Variants in FGF14 observed in about 807,000 individuals in gnomAD.
The protein encoded by FGF14 is fibroblast growth factor 14, also known as fibroblast growth factor homologous factor 4.
Under a neutral mutation model 25.5 loss-of-function variants are expected in FGF14, and 5 were observed. The observed-to-expected ratio is 0.20, with a 90% confidence interval of 0.10 to 0.41. FGF14 has a LOEUF of 0.41. Ranked by LOEUF, FGF14 falls within the 10% of genes least tolerant of loss-of-function variation. FGF14 has a pLI of 1.00. For missense variants in FGF14, 222 were observed against 320.1 expected (o/e 0.69, Z 2.34); for synonymous variants, 138 against 118.3 (o/e 1.17, Z -1.08).
In FGF14 at chr13:102,124,268, G is replaced by A. The variant is rs527279513; in HGVS notation, c.209-248972C>T. 1.2e-4 allele frequency among the ~76,000 whole-genome samples: 19 copies of A among 152,168 alleles called. No homozygotes were observed. The South Asian group carries it at 2.9e-3, about 23-fold the overall frequency. On this transcript the variant is annotated intron_variant, in intron 1 of 4. Coordinates refer to the FGF14 transcript ENST00000376131. ...GAGGAAAAATTACTGTGGACTGTGCGGTGTGGATCTGGGACAAAAGGTAGT... is the reference window on the plus strand; with the variant it reads ...GAGGAAAAATTACTGTGGACTGTGCAGTGTGGATCTGGGACAAAAGGTAGT...
chr13:102,121,474 T>C (rs1397916670), intron 1 of FGF14, among the ~76,000 whole-genome samples: 1 of 152,158 alleles, frequency 6.6e-6, no homozygotes, highest in Non-Finnish European at 1.5e-5. Context: ...TTACTACTAA[T>C]AAGCATAGTA....
chr13:102,145,167 AGGAGG>A (rs1350389488), intron 1 of FGF14, among the ~76,000 whole-genome samples: 1 of 152,118 alleles, frequency 6.6e-6, no homozygotes, highest in Non-Finnish European at 1.5e-5. Flanking sequence ...CTCCATTTGG[AGGAGG>A]TTGAGCCCTC....
intron 4 of FGF14, 122 bp downstream of exon 4, chr13:101,726,490 A>C: frequency 1.1e-6 from 1 of 945,220 alleles, no homozygotes; most frequent in Non-Finnish European, 1.6e-6. Context: ...CATCACCTAG[A>C]TCAAAATAAA....
chr13:101,877,954 T>G (rs1311949802), intron 1 of FGF14, among the ~76,000 whole-genome samples: 1 of 152,216 alleles, frequency 6.6e-6, no homozygotes, highest in Non-Finnish European at 1.5e-5. Context: ...CTATTTTCAC[T>G]GCCAGCCCCT....
chr13:102,401,598 C>A, exon 1 of FGF14: 1 of 1,614,058 alleles, frequency 6.2e-7, no homozygotes, highest in Non-Finnish European at 8.5e-7. Flanking sequence ...GCTTAGACAC[C>A]CTGAGAAAGA....
intron 1 of FGF14, among the ~76,000 whole-genome samples, chr13:102,150,155 C>G (rs1816777517): frequency 3.3e-5 from 5 of 152,110 alleles, no homozygotes; most frequent in Admixed American, 3.3e-4. Context: ...TCCATGACTG[C>G]AGTCAAGTCC....
chr13:102,398,962 T>A (rs2139283058), intron 1 of FGF14, among the ~76,000 whole-genome samples: 1 of 151,278 alleles, frequency 6.6e-6, no homozygotes, highest in African/African-American at 2.4e-5. Flanking sequence ...TATCTAACAC[T>A]AAATTATCCT....
chr13:102,360,886 TACAC>T (rs763764430), intron 1 of FGF14, among the ~76,000 whole-genome samples: 2 of 151,506 alleles, frequency 1.3e-5, no homozygotes, highest in Non-Finnish European at 1.5e-5. Context: ...CACACACACA[TACAC>T]ACACACACGA....
intron 3 of FGF14, among the ~76,000 whole-genome samples, chr13:101,840,041 T>C (rs916146453): frequency 2.6e-5 from 4 of 151,994 alleles, no homozygotes; most frequent in East Asian, 1.9e-4. Flanking sequence ...GAAGATATTA[T>C]TGAAGGAAAA....
intron 1 of FGF14, among the ~76,000 whole-genome samples, chr13:102,150,424 T>A (rs2047033739): frequency 6.6e-6 from 1 of 152,174 alleles, no homozygotes; most frequent in Non-Finnish European, 1.5e-5. Context: ...ATTGTTACAT[T>A]ATTTCTCTAA....
chr13:102,144,623 GCTTATTTATGTA>G (rs2046779321), intron 1 of FGF14, among the ~76,000 whole-genome samples: 1 of 152,032 alleles, frequency 6.6e-6, no homozygotes, highest in African/African-American at 2.4e-5. Flanking sequence ...CATTCTCCTA[GCTTATTTATGTA>G]GTACATCTGA....
intron 1 of FGF14, among the ~76,000 whole-genome samples, chr13:102,256,292 A>C (rs1245336279): frequency 6.6e-6 from 1 of 152,104 alleles, no homozygotes. Flanking sequence ...TAGCGGTTCA[A>C]GACCAACCTG....
chr13:102,399,409 C>G (rs1191543962), intron 1 of FGF14, among the ~76,000 whole-genome samples: 1 of 152,174 alleles, frequency 6.6e-6, no homozygotes, highest in South Asian at 2.1e-4. Context: ...CAGAAAGACA[C>G]AAGAAGGGTT....
chr13:102,301,466 G>C (rs191114885), intron 1 of FGF14, among the ~76,000 whole-genome samples: 4 of 152,216 alleles, frequency 2.6e-5, no homozygotes, highest in African/African-American at 7.2e-5. Context: ...ATAAAACATG[G>C]GCTCCTCAGC....
chr13:102,248,748 T>G (rs1010423169), intron 1 of FGF14, among the ~76,000 whole-genome samples: 7 of 152,016 alleles, frequency 4.6e-5, no homozygotes, highest in Non-Finnish European at 7.4e-5. Flanking sequence ...ACAAAACATA[T>G]TACATGCAGA....
At chr13:101,768,765 C>T (rs1211320532) in intron 3 of FGF14, among the ~76,000 whole-genome samples, 2 of 152,276 alleles carry the variant, frequency 1.3e-5, no homozygotes, top group African/African-American at 4.8e-5. Flanking sequence ...GGAACGTCCA[C>T]ATGCAAAACA....
chr13:102,040,160 T>C (rs1397168117), intron 1 of FGF14, among the ~76,000 whole-genome samples: 2 of 152,078 alleles, frequency 1.3e-5, no homozygotes, highest in African/African-American at 2.4e-5. Context: ...CACAGAGATC[T>C]CCCATTACTC....
chr13:101,755,714 T>G lies in FGF14; in HGVS notation c.409-28904A>C, dbSNP rs142071891. Reference sequence around the variant, plus strand: ...AGGCATATTTGTCATCTGATTAGTCTGCAACTGGTGGGAAAGTCTGAGTGG... The same window carrying G: ...AGGCATATTTGTCATCTGATTAGTCGGCAACTGGTGGGAAAGTCTGAGTGG... On this transcript the variant is annotated intron_variant, in intron 3 of 4. Transcript: ENST00000376143. 6.2e-3 allele frequency among the ~76,000 whole-genome samples: 939 copies of G among 152,302 alleles called. 10 individuals are homozygous for G. Among genetic ancestry groups the G allele is most frequent in the Non-Finnish European group, 9.0e-3 (613 of 68,022 alleles).
intron 1 of FGF14, among the ~76,000 whole-genome samples, chr13:102,109,662 C>G (rs951280802): frequency 6.6e-6 from 1 of 152,080 alleles, no homozygotes; most frequent in Non-Finnish European, 1.5e-5. Flanking sequence ...GCTCTGTCAC[C>G]TAGGCTGGAG....
Sources: gnomAD v4.1 joint callset for allele counts (sites outside exome capture counted in the v4.1 genomes callset) on GRCh38, gnomAD v4.1.1 for gene constraint, MANE v1.5 for transcripts, NCBI Gene and HGNC (gene_info 2026-07-23, HGNC 2026-07-21) for gene names.